Variants in ARHGAP12 observed in about 807,000 individuals in gnomAD.
The protein encoded by ARHGAP12 is rho GTPase-activating protein 12.
A neutral mutation model predicts 108.6 loss-of-function variants in ARHGAP12; 64 were observed. The ratio of observed to expected loss-of-function variants is 0.59; its 90% CI spans 0.48 to 0.73. The LOEUF (loss-of-function observed/expected upper bound fraction) is 0.73, where lower values mean the gene tolerates loss of function less well. Ranked by LOEUF, ARHGAP12 falls within the 30% of genes least tolerant of loss-of-function variation. ARHGAP12 has a pLI of 0.00. For synonymous variants in ARHGAP12, 312 were observed against 337.2 expected (o/e 0.93, Z 0.82); for missense variants, 940 against 1,005.9 (o/e 0.93, Z 0.89).
At chr10:31,876,438 A>G (rs1001172003) in intron 3 of ARHGAP12, among the ~76,000 whole-genome samples, 1 of 151,934 alleles carries the variant, frequency 6.6e-6, no homozygotes, top group Non-Finnish European at 1.5e-5. Context: ...TGAACCTGGG[A>G]GGCAGATGTT....
intron 11 of ARHGAP12, among the ~76,000 whole-genome samples, chr10:31,823,521 A>C (rs887976869): frequency 1.3e-5 from 2 of 152,148 alleles, no homozygotes; most frequent in Admixed American, 6.5e-5. Context: ...TTTTTTAAAA[A>C]TAGAACTTTG....
intron 19 of ARHGAP12, among the ~76,000 whole-genome samples, chr10:31,808,219 T>TA (rs397700820): frequency 0.029 from 4,207 of 146,290 alleles, 188 homozygotes; most frequent in African/African-American, 0.09. Flanking sequence ...GTAATTTCTT[T>TA]AAAAAAAAAA....
chr10:31,924,499 T>C (rs1839948524), intron 1 of ARHGAP12, among the ~76,000 whole-genome samples: 1 of 152,188 alleles, frequency 6.6e-6, no homozygotes, highest in Non-Finnish European at 1.5e-5. Context: ...GTATGTAGCC[T>C]TCTGTGTCTG....
At chr10:31,835,343 C>T (rs1298081150) in intron 9 of ARHGAP12, among the ~76,000 whole-genome samples, 4 of 151,856 alleles carry the variant, frequency 2.6e-5, no homozygotes, top group Non-Finnish European at 4.4e-5. Context: ...TATCTTAAGT[C>T]CCATAAAATA....
rs117214769 is a variant in ARHGAP12, at chr10:31,880,586, T to C, written c.685-18928A>G. On this transcript the variant is annotated intron_variant, in intron 3 of 19. Transcript: ENST00000344936. ...TTATGGTCTCAGAAAAATGTTTACC[T>C]AGGAAACACAGCCTAATAATATCAC... is the stretch of plus-strand genomic sequence containing the variant. 2.9e-4 allele frequency among the ~76,000 whole-genome samples: 44 copies of C among 152,328 alleles called. No homozygotes were observed. In the East Asian group the frequency reaches 8.3e-3, roughly 29 times the overall value.
At chr10:31,846,830 C>T (rs918058589) in intron 6 of ARHGAP12, among the ~76,000 whole-genome samples, 2 of 151,486 alleles carry the variant, frequency 1.3e-5, no homozygotes, top group Non-Finnish European at 2.9e-5. Flanking sequence ...TTCCTTTCTC[C>T]TTCTGGAACT....
intron 15 of ARHGAP12, among the ~76,000 whole-genome samples, chr10:31,812,327 G>A (rs575772435): frequency 2.0e-4 from 30 of 152,148 alleles, no homozygotes; most frequent in Middle Eastern, 3.4e-3. Flanking sequence ...TGACAGCCAA[G>A]GGTAAAAATT....
chr10:31,896,442 A>C lies in ARHGAP12; in HGVS notation c.684+11730T>G, dbSNP rs574775907. 3.9e-5 allele frequency among the ~76,000 whole-genome samples: 6 copies of C among 152,056 alleles called. No individual in the cohort carries two copies. In the South Asian group the frequency reaches 1.2e-3, roughly 32 times the overall value. The stretch of plus-strand genomic sequence containing the variant: ...TATAGATTTCTGGCCTTCTTCCTAA[A>C]TGTCAGGTTGTCAGTTATCACTTTT... On this transcript the variant is annotated intron_variant, in intron 3 of 19. Coordinates refer to ENST00000344936, the MANE Select transcript of ARHGAP12 (RefSeq NM_018287.7).
intron 1 of ARHGAP12, among the ~76,000 whole-genome samples, chr10:31,923,240 G>A (rs896893051): frequency 6.6e-6 from 1 of 151,230 alleles, no homozygotes; most frequent in Non-Finnish European, 1.5e-5. Context: ...TAGCCATCAG[G>A]AAAATGCAAA....
intron 3 of ARHGAP12, among the ~76,000 whole-genome samples, chr10:31,885,792 C>A (rs947825935): frequency 6.6e-6 from 1 of 150,606 alleles, no homozygotes; most frequent in Non-Finnish European, 1.5e-5. Flanking sequence ...GCACTCCAAC[C>A]TGGGTGACAG....
chr10:31,809,196 T>C, intron 17 of ARHGAP12, 34 bp downstream of exon 17: 2 of 1,613,080 alleles, frequency 1.2e-6, no homozygotes, highest in South Asian at 1.1e-5. Flanking sequence ...TTATGAGTGA[T>C]GCATCTGAAT....
intron 15 of ARHGAP12, 172 bp downstream of exon 15, chr10:31,812,534 TA>T (rs1470136332): frequency 2.2e-6 from 1 of 449,462 alleles, no homozygotes; most frequent in African/African-American, 2.0e-5. Flanking sequence ...TTAGTTAAAA[TA>T]AACTTTCAAA....
intron 7 of ARHGAP12, among the ~76,000 whole-genome samples, chr10:31,842,982 A>G (rs1451937126): frequency 6.6e-6 from 1 of 152,140 alleles, no homozygotes; most frequent in Non-Finnish European, 1.5e-5. Flanking sequence ...GCATTTAGAG[A>G]AACAAAGGGA....
At chr10:31,838,701 C>T (rs1024289662) in intron 9 of ARHGAP12, among the ~76,000 whole-genome samples, 1 of 151,740 alleles carries the variant, frequency 6.6e-6, no homozygotes, top group African/African-American at 2.4e-5. Context: ...TGTTGTGGCG[C>T]ATGCCTGTGA....
chr10:31,849,068 A>AG (rs941363815), intron 6 of ARHGAP12, among the ~76,000 whole-genome samples: 44 of 152,174 alleles, frequency 2.9e-4, no homozygotes, highest in Non-Finnish European at 5.9e-4. Flanking sequence ...AAAAAAAAAA[A>AG]AAAGAACATT....
At chr10:31,927,225 A>C (rs1840084969) in intron 1 of ARHGAP12, among the ~76,000 whole-genome samples, 1 of 148,854 alleles carries the variant, frequency 6.7e-6, no homozygotes, top group African/African-American at 2.5e-5. Context: ...AACGTTTCCA[A>C]GGCAAAATAA....
At chr10:31,920,423 C>A (rs538754055) in intron 1 of ARHGAP12, among the ~76,000 whole-genome samples, 25 of 121,722 alleles carry the variant, frequency 2.1e-4, no homozygotes, top group Non-Finnish European at 3.9e-4. Context: ...GCACTCCAGC[C>A]TAGGCGACAG....
chr10:31,851,679 T>G (rs1419673237), intron 6 of ARHGAP12, among the ~76,000 whole-genome samples: 1 of 152,236 alleles, frequency 6.6e-6, no homozygotes, highest in African/African-American at 2.4e-5. Flanking sequence ...AAAGCACTAT[T>G]AACATTAGTT....
chr10:31,815,304 G>A (rs1460305358), intron 13 of ARHGAP12, among the ~76,000 whole-genome samples: 1 of 152,126 alleles, frequency 6.6e-6, no homozygotes, highest in Non-Finnish European at 1.5e-5. Flanking sequence ...TTAAGGAAGG[G>A]TTCCAGTTTT....
Sources: allele counts gnomAD v4.1 joint callset (sites outside exome capture counted in the v4.1 genomes callset), GRCh38; gene constraint gnomAD v4.1.1; transcripts MANE v1.5; gene names NCBI Gene and HGNC (gene_info 2026-07-23, HGNC 2026-07-21).